Variants in TMEM217B observed in about 807,000 individuals in gnomAD.
TMEM217B encodes transmembrane protein 217B, also known as putative transmembrane protein 217B.
the TMEM217B span, among the ~76,000 whole-genome samples, chr6:37,247,637 C>T: frequency 1.3e-3 from 205 of 152,196 alleles, no homozygotes; most frequent in African/African-American, 4.5e-3. Flanking sequence ...TCACCCACTT[C>T]GGCCTCCCAA....
At chr6:37,245,257 G>C in the TMEM217B span, among the ~76,000 whole-genome samples, 1 of 152,158 alleles carries the variant, frequency 6.6e-6, no homozygotes, top group Non-Finnish European at 1.5e-5. Context: ...CACAGAGCTG[G>C]GTCACTGAAG....
At chr6:37,212,967 C>T in the TMEM217B span, 6 of 1,547,752 alleles carry the variant, frequency 3.9e-6, no homozygotes, top group Middle Eastern at 1.0e-3. Flanking sequence ...TCCTGACATT[C>T]ATTTTATACT....
the TMEM217B span, among the ~76,000 whole-genome samples, chr6:37,235,396 T>A: frequency 1.3e-5 from 2 of 152,114 alleles, no homozygotes; most frequent in Non-Finnish European, 2.9e-5. Flanking sequence ...GACAGAGTCT[T>A]GCTCTGTCGC....
At chr6:37,255,556 G>A in the TMEM217B span, among the ~76,000 whole-genome samples, 1 of 152,018 alleles carries the variant, frequency 6.6e-6, no homozygotes, top group African/African-American at 2.4e-5. Context: ...GGTGGTATGT[G>A]CCTGTTAGTC....
At chr6:37,250,616 G>A in the TMEM217B span, among the ~76,000 whole-genome samples, 36 of 152,354 alleles carry the variant, frequency 2.4e-4, no homozygotes, top group East Asian at 6.6e-3. Context: ...TTAAAGCAGT[G>A]CTTTTCAAAC....
the TMEM217B span, among the ~76,000 whole-genome samples, chr6:37,233,773 A>G: frequency 2.6e-5 from 4 of 152,156 alleles, no homozygotes; most frequent in African/African-American, 4.8e-5. Context: ...TCGCTAACTA[A>G]CGAAGTTACT....
chr6:37,233,956 G>A, the TMEM217B span, among the ~76,000 whole-genome samples: 1 of 152,134 alleles, frequency 6.6e-6, no homozygotes, highest in African/African-American at 2.4e-5. Context: ...AATTACATGA[G>A]ATATTCAACA....
the TMEM217B span, among the ~76,000 whole-genome samples, chr6:37,216,024 TGTGTGTGTGA>T: frequency 1.0e-5 from 1 of 96,094 alleles, no homozygotes; most frequent in Admixed American, 1.1e-4. Flanking sequence ...TGTGTGTGTG[TGTGTGTGTGA>T]GAAACAGATA....
At chr6:37,247,117 A>G in the TMEM217B span, among the ~76,000 whole-genome samples, 1 of 152,192 alleles carries the variant, frequency 6.6e-6, no homozygotes, top group African/African-American at 2.4e-5. Context: ...CTAGAGGAAA[A>G]GGTAACATAA....
At chr6:37,218,036 T>C in the TMEM217B span, 1 of 997,646 alleles carries the variant, frequency 1.0e-6, no homozygotes, top group Non-Finnish European at 1.2e-6. Flanking sequence ...GTAGGGTCTC[T>C]ACTTGCAGAA....
chr6:37,241,973 G>C, the TMEM217B span, among the ~76,000 whole-genome samples: 1 of 150,320 alleles, frequency 6.7e-6, no homozygotes, highest in East Asian at 1.9e-4. Context: ...GTTTTGGCCT[G>C]CTTCCTCAGG....
chr6:37,256,336 G>C, the TMEM217B span, among the ~76,000 whole-genome samples: 1 of 152,190 alleles, frequency 6.6e-6, no homozygotes, highest in Non-Finnish European at 1.5e-5. Flanking sequence ...CAAAAGGTCT[G>C]GCTGTCCAGA....
chr6:37,227,820 T>C, the TMEM217B span, among the ~76,000 whole-genome samples: 7 of 152,098 alleles, frequency 4.6e-5, no homozygotes, highest in South Asian at 1.5e-3. Flanking sequence ...TTACGTGAAG[T>C]AAATATTTTA....
chr6:37,219,303 A>G, the TMEM217B span, among the ~76,000 whole-genome samples: 1 of 152,198 alleles, frequency 6.6e-6, no homozygotes, highest in Non-Finnish European at 1.5e-5. Context: ...TAGAATCACC[A>G]AAAGTACCCA....
the TMEM217B span, among the ~76,000 whole-genome samples, chr6:37,227,725 A>G: frequency 6.6e-6 from 1 of 152,088 alleles, no homozygotes; most frequent in African/African-American, 2.4e-5. Context: ...CTGGGATTAC[A>G]GGTATGAGCC....
At chr6:37,224,774 G>A in the TMEM217B span, among the ~76,000 whole-genome samples, 7 of 152,026 alleles carry the variant, frequency 4.6e-5, no homozygotes, top group Non-Finnish European at 8.8e-5. Context: ...TATTTTTCAA[G>A]ATTGAGAGCA....
chr6:37,212,869 T>C, the TMEM217B span: 3 of 1,462,870 alleles, frequency 2.1e-6, no homozygotes, highest in Non-Finnish European at 1.9e-6. Context: ...CTTGGCCTCA[T>C]AGCAAATGTG....
At chr6:37,230,429 C>T in the TMEM217B span, among the ~76,000 whole-genome samples, 121 of 152,258 alleles carry the variant, frequency 7.9e-4, 1 homozygote, top group African/African-American at 2.6e-3. Context: ...AATCCTAACC[C>T]GCAGCACTGC....
chr6:37,227,504 T>C, the TMEM217B span, among the ~76,000 whole-genome samples: 1 of 152,186 alleles, frequency 6.6e-6, no homozygotes, highest in Non-Finnish European at 1.5e-5. Context: ...TGGAGTGTAG[T>C]GGCGCGATCT....
Sources: allele counts gnomAD v4.1 joint callset (sites outside exome capture counted in the v4.1 genomes callset), GRCh38; gene constraint gnomAD v4.1.1; transcripts MANE v1.5; gene names NCBI Gene and HGNC (gene_info 2026-07-23, HGNC 2026-07-21).